Variants in PAPPA2 observed in about 807,000 individuals in gnomAD.
The protein encoded by PAPPA2 is pappalysin 2.
In PAPPA2, 86 loss-of-function variants were observed where a neutral mutation model predicts 176.4. The observed-to-expected ratio is 0.49, with a 90% CI of 0.41 to 0.58. PAPPA2 has a LOEUF of 0.58. Ranked by LOEUF, PAPPA2 falls within the 20% of genes least tolerant of loss-of-function variation. The pLI is 0.00. For missense variants in PAPPA2, 2,073 were observed against 2,256.9 expected, an observed-to-expected ratio of 0.92 and a Z score of 1.65; for synonymous variants, 809 against 852.2, an observed-to-expected ratio of 0.95 and a Z score of 0.88.
intron 1 of PAPPA2, among the ~76,000 whole-genome samples, chr1:176,553,929 C>G (rs1343495266): frequency 6.6e-6 from 1 of 151,782 alleles, no homozygotes. Flanking sequence ...CTATATCCCC[C>G]TCCCTAGAGC....
intron 12 of PAPPA2, among the ~76,000 whole-genome samples, chr1:176,730,199 T>A (rs962485636): frequency 1.3e-5 from 2 of 151,960 alleles, no homozygotes; most frequent in Non-Finnish European, 2.9e-5. Context: ...ATAAGGATGA[T>A]CTGTTTCTTC....
rs561261365 is a variant in PAPPA2, at chr1:176,765,935, T to A, written c.4323+98T>A. On this transcript the variant is annotated intron_variant, in intron 15 of 22. Transcript: ENST00000367662. ...TCCACAGGGAAAGAGCAGATGTTTT[T>A]AAACCATTTGAAAGCAAAACATGGG... 3.5e-6 allele frequency: 5 copies of A among 1,446,180 alleles called. No homozygotes were observed. The South Asian group carries it at 4.2e-5, about 12-fold the overall frequency. 89.6% of individuals were successfully genotyped at this position (1,446,180 alleles called of 1,614,324 possible). A position where few individuals can be genotyped will look rare whatever the true frequency, so the allele number is the denominator to read the frequency against.
intron 2 of PAPPA2, among the ~76,000 whole-genome samples, chr1:176,582,410 G>A (rs993640410): frequency 3.9e-5 from 6 of 152,104 alleles, no homozygotes; most frequent in African/African-American, 1.2e-4. Flanking sequence ...TAGAGAAAAC[G>A]CTTTTTGCTT....
chr1:176,692,025 A>C, intron 5 of PAPPA2, 101 bp from the exon 6 acceptor site: 1 of 1,120,704 alleles, frequency 8.9e-7, no homozygotes. Flanking sequence ...TGAGCCTAAT[A>C]AGTTAACTCA....
intron 12 of PAPPA2, among the ~76,000 whole-genome samples, chr1:176,718,155 T>A (rs1472203476): frequency 6.6e-6 from 1 of 152,126 alleles, no homozygotes; most frequent in South Asian, 2.1e-4. Flanking sequence ...CTATCTTAAG[T>A]CAATTTTAAT....
intron 4 of PAPPA2, among the ~76,000 whole-genome samples, chr1:176,683,809 T>C (rs1417918965): frequency 6.6e-6 from 1 of 152,142 alleles, no homozygotes; most frequent in East Asian, 1.9e-4. Flanking sequence ...TCTATTACCA[T>C]AATGAGGCAA....
chr1:176,650,393 C>A lies in PAPPA2; in HGVS notation c.1992-20577C>A, dbSNP rs182105144. Reference sequence around the variant, plus strand: ...TCAGTCAAGACAATCATTTCTATTTCTTTTTATTTATTTATTTATTTATTT... The same window carrying A: ...TCAGTCAAGACAATCATTTCTATTTATTTTTATTTATTTATTTATTTATTT... On this transcript the variant is annotated intron_variant, in intron 3 of 22. Coordinates refer to ENST00000367662, the MANE Select transcript of PAPPA2 (RefSeq NM_020318.3). 1.5e-4 allele frequency among the ~76,000 whole-genome samples: 22 copies of A among 149,992 alleles called. No individual in the cohort carries two copies. In the East Asian group the frequency reaches 4.1e-3, roughly 28 times the overall value.
chr1:176,628,155 G>A (rs1192538571), intron 3 of PAPPA2, among the ~76,000 whole-genome samples: 4 of 152,142 alleles, frequency 2.6e-5, no homozygotes, highest in Non-Finnish European at 5.9e-5. Context: ...TCACAGAAAG[G>A]TTGATTTAGC....
chr1:176,833,009 T>C (rs1430285723), intron 21 of PAPPA2, among the ~76,000 whole-genome samples: 1 of 152,192 alleles, frequency 6.6e-6, no homozygotes, highest in Admixed American at 6.5e-5. Context: ...ACACAGAAGA[T>C]GTACTACCAC....
At chr1:176,760,838 T>C (rs1229929406) in intron 14 of PAPPA2, among the ~76,000 whole-genome samples, 1 of 152,148 alleles carries the variant, frequency 6.6e-6, no homozygotes, top group African/African-American at 2.4e-5. Context: ...TTGTTTGTTT[T>C]TGAGACAGAG....
At chr1:176,499,889 T>C (rs906273302) in intron 1 of PAPPA2, among the ~76,000 whole-genome samples, 1 of 152,178 alleles carries the variant, frequency 6.6e-6, no homozygotes, top group African/African-American at 2.4e-5. Flanking sequence ...GCTTGCAACA[T>C]TTTCCTGGGT....
intron 3 of PAPPA2, among the ~76,000 whole-genome samples, chr1:176,624,172 A>C (rs1573148382): frequency 6.6e-6 from 1 of 152,178 alleles, no homozygotes; most frequent in South Asian, 2.1e-4. Flanking sequence ...TGTTTGATTC[A>C]ATGTAAATAC....
At chr1:176,623,791 C>CTTTCTTTA (rs1655837997) in intron 3 of PAPPA2, among the ~76,000 whole-genome samples, 1 of 107,904 alleles carries the variant, frequency 9.3e-6, no homozygotes, top group African/African-American at 3.6e-5. Flanking sequence ...TTCTTTCTTT[C>CTTTCTTTA]TTTCTTTCTT....
At chr1:176,653,971 C>T (rs1313288313) in intron 3 of PAPPA2, among the ~76,000 whole-genome samples, 2 of 151,562 alleles carry the variant, frequency 1.3e-5, no homozygotes, top group Non-Finnish European at 3.0e-5. Context: ...CAGTTTTTTT[C>T]TTCTGCCTAT....
intron 3 of PAPPA2, among the ~76,000 whole-genome samples, chr1:176,637,295 G>T (rs1656759742): frequency 6.6e-6 from 1 of 152,118 alleles, no homozygotes; most frequent in Admixed American, 6.6e-5. Context: ...AGCCATGGTT[G>T]GCTTTGAGCA....
intron 14 of PAPPA2, among the ~76,000 whole-genome samples, chr1:176,760,625 G>A (rs1211708449): frequency 6.6e-6 from 1 of 152,168 alleles, no homozygotes; most frequent in Non-Finnish European, 1.5e-5. Flanking sequence ...GCCACTCTTA[G>A]AGGCTTCCCA....
At chr1:176,485,811 G>T (rs770467395) in intron 1 of PAPPA2, among the ~76,000 whole-genome samples, 8 of 152,112 alleles carry the variant, frequency 5.3e-5, no homozygotes, top group Non-Finnish European at 1.0e-4. Flanking sequence ...CAAGAGGAAA[G>T]GCATACAGCT....
intron 1 of PAPPA2, among the ~76,000 whole-genome samples, chr1:176,510,689 T>C (rs1303789267): frequency 6.6e-6 from 1 of 151,556 alleles, no homozygotes; most frequent in Non-Finnish European, 1.5e-5. Flanking sequence ...CAGATAAAAA[T>C]ATATAATAGT....
At chr1:176,589,428 A>G (rs968141055) in intron 2 of PAPPA2, among the ~76,000 whole-genome samples, 1 of 152,212 alleles carries the variant, frequency 6.6e-6, no homozygotes, top group African/African-American at 2.4e-5. Context: ...TCCTCCCTCA[A>G]TTTACCTTGT....
Sources: gnomAD v4.1 joint callset for allele counts (sites outside exome capture counted in the v4.1 genomes callset) on GRCh38, gnomAD v4.1.1 for gene constraint, MANE v1.5 for transcripts, NCBI Gene and HGNC (gene_info 2026-07-23, HGNC 2026-07-21) for gene names.